The following SLC2A6 variants were observed in gnomAD, a reference collection of about 807,000 sequenced individuals.
The protein encoded by SLC2A6 is solute carrier family 2 member 6.
In SLC2A6, 39 loss-of-function variants were observed where a neutral mutation model predicts 47.8. That is an observed-to-expected ratio of 0.82 (90% CI 0.63 to 1.07). The LOEUF (loss-of-function observed/expected upper bound fraction) is 1.07, where lower values mean the gene tolerates loss of function less well. Ranked by LOEUF, SLC2A6 falls within the 50% of genes least tolerant of loss-of-function variation. The probability of loss-of-function intolerance (pLI) is 0.00; values close to 1 mark genes in which losing one functional copy is unlikely to be tolerated. For synonymous variants in SLC2A6, 346 were observed against 324.1 expected (o/e 1.07, Z -0.73); for missense variants, 650 against 707.6 (o/e 0.92, Z 0.92).
chr9:133,472,362 C>T (rs991140341), intron 9 of SLC2A6, among the ~76,000 whole-genome samples, 186 bp from the exon 10 acceptor site: 13 of 152,036 alleles, frequency 8.6e-5, no homozygotes, highest in African/African-American at 2.9e-4. Context: ...CCGAAGTAGC[C>T]CTTGAAGTCT....
At chr9:133,473,815 C>A (rs1001696630) in intron 7 of SLC2A6, 165 bp downstream of exon 7, 2 of 755,644 alleles carry the variant, frequency 2.6e-6, no homozygotes, top group African/African-American at 1.8e-5. Flanking sequence ...CCCCAGCGGA[C>A]CTTTCTGGAC....
At position 133,476,934 on chromosome 9, in the gene SLC2A6, C is replaced by T. The variant is rs367697026; in HGVS notation, c.462+101G>A. 26 of 1,307,760 alleles carry T rather than the reference C, an allele frequency of 2.0e-5. No individual in the cohort carries two copies. In the South Asian group the frequency reaches 2.6e-4, roughly 13 times the overall value. 81.0% of individuals were successfully genotyped at this position (1,307,760 alleles called of 1,614,324 possible). On this transcript the variant is annotated intron_variant, in intron 3 of 9. Transcript: ENST00000371899. ...ATCCGCAGGGAAGGCAAACAATTCTCATTGCCCAGAAGGCATGGAGGCTGG... is the reference window on the plus strand; with the variant it reads ...ATCCGCAGGGAAGGCAAACAATTCTTATTGCCCAGAAGGCATGGAGGCTGG...
intron 4 of SLC2A6, among the ~76,000 whole-genome samples, chr9:133,475,992 G>A (rs1464830859): frequency 6.6e-6 from 1 of 152,274 alleles, no homozygotes. Context: ...AAGATAGTCT[G>A]GCGACTGTGG....
chr9:133,476,724 A>G lies in SLC2A6; in HGVS notation c.462+311T>C, dbSNP rs1843967346. On this transcript the variant is annotated intron_variant, in intron 3 of 9. Coordinates refer to ENST00000371899, the MANE Select transcript of SLC2A6 (RefSeq NM_017585.4). Reference sequence around the variant, plus strand: ...GATAAGAAGGTCCCGGGGAGGGTGTAGGGCAGGGACTTCCCTCTCCTACCC... The same window carrying G: ...GATAAGAAGGTCCCGGGGAGGGTGTGGGGCAGGGACTTCCCTCTCCTACCC... 2.0e-5 allele frequency among the ~76,000 whole-genome samples: 3 copies of G among 152,258 alleles called. No homozygotes were observed. In the South Asian group the frequency reaches 6.2e-4, roughly 32 times the overall value.
intron 5 of SLC2A6, 25 bp downstream of exon 5, chr9:133,475,375 G>A (rs782628610): frequency 1.0e-5 from 16 of 1,560,818 alleles, no homozygotes; most frequent in African/African-American, 5.4e-5. Context: ...GGGCCTGCCC[G>A]GTTCGGGCGC....
At chr9:133,472,970 G>T in intron 9 of SLC2A6, 135 bp downstream of exon 9, 1 of 902,272 alleles carries the variant, frequency 1.1e-6, no homozygotes, top group Non-Finnish European at 1.6e-6. Flanking sequence ...GAGTTCAGGG[G>T]GTGTGTGCTC....
chr9:133,478,801 G>T, intron 1 of SLC2A6, 167 bp downstream of exon 1: 1 of 625,134 alleles, frequency 1.6e-6, no homozygotes, highest in Non-Finnish European at 2.7e-6. Context: ...CCCTTAGGGG[G>T]ACCAGTTCCT....
chr9:133,476,969 G>A (rs1554803515), intron 3 of SLC2A6, 66 bp downstream of exon 3: 1 of 1,495,936 alleles, frequency 6.7e-7, no homozygotes, highest in African/African-American at 1.4e-5. Context: ...GGAGGCCTTA[G>A]TCAGATGGAG....
rs782483628 is a variant in SLC2A6 at position 133,471,971 on chromosome 9, CAG to C, written c.*48_*49del. The C allele has an allele frequency of 6.3e-7, 1 of 1,587,250 alleles. No individual in the cohort carries two copies. The highest frequency in any genetic ancestry group is 1.3e-5 in the African/African-American group (1 of 74,218). Reference sequence around the variant, plus strand: ...CCAGGGTGCAGGTTTGTAGCCAACACAGAGGCCCAGCCACTGGGGGTTTGGCC... The same window carrying C: ...CCAGGGTGCAGGTTTGTAGCCAACACAGGCCCAGCCACTGGGGGTTTGGCC... On this transcript the variant is annotated 3_prime_UTR_variant, in exon 10 of 10. Coordinates refer to ENST00000371899, the MANE Select transcript of SLC2A6 (RefSeq NM_017585.4).
Position 133,471,350 on chromosome 9 carries a change from A to G in SLC2A6, c.*671T>C, listed in dbSNP as rs1449597329. On this transcript the variant is annotated 3_prime_UTR_variant, in exon 10 of 10. Transcript: ENST00000371899. ...CAAGCAATGCTGCCTCAGCCTCCCA[A>G]GTAGCTGGAACTACGGGTGTGTGCC... is the stretch of plus-strand genomic sequence containing the variant. The G allele has an allele frequency of 6.6e-6, 1 of 152,028 alleles. No homozygotes were observed. The highest frequency in any genetic ancestry group is 1.5e-5 in the Non-Finnish European group (1 of 68,068). The allele number at this position is 152,028 out of a possible 1,614,324, so 9.4% of individuals were successfully genotyped here.
rs1554803157 is a variant in SLC2A6 at position 133,475,604 on chromosome 9, C to A, written c.570G>T (p.Leu190=). 1.9e-6 allele frequency: 3 copies of A among 1,593,626 alleles called. No individual in the cohort carries two copies. Among genetic ancestry groups the A allele is most frequent in the Admixed American group, 3.5e-5 (2 of 56,732 alleles). Residue 190 remains leucine (L), a synonymous_variant, in exon 5 of 10, where the codon CTG becomes CTT. Transcript: ENST00000371899. ...CCACAGCCAGCCAGCGCCACGGCAG[C>A]AGGAGGCCTGGGGGCGAGGGGTGGG... ...GSLSLYALGL[L]LPWRWLAVAG... is the part of the protein sequence containing the mutation.
chr9:133,473,293 G>A, intron 8 of SLC2A6, 43 bp from the exon 9 acceptor site: 1 of 1,548,442 alleles, frequency 6.5e-7, no homozygotes. Flanking sequence ...TGGGGTGACT[G>A]GAGGCGGCTG....
intron 4 of SLC2A6, among the ~76,000 whole-genome samples, chr9:133,475,879 G>A (rs782343177): frequency 3.3e-5 from 5 of 152,252 alleles, no homozygotes; most frequent in Non-Finnish European, 7.3e-5. Context: ...CTCCACCCAA[G>A]ACCTCCACGC....
At position 133,471,168 on chromosome 9, in the gene SLC2A6, T is replaced by C. The variant is rs1180047741; in HGVS notation, c.*853A>G. ...ATAGGAGCTGCCTGTTCCCAGAGGT[T>C]GGGCTGGGGCAGGAGGAAGTGGCCA... On this transcript the variant is annotated 3_prime_UTR_variant, in exon 10 of 10. Transcript: ENST00000371899. 6.6e-6 allele frequency: 1 copy of C among 151,086 alleles called. No homozygotes were observed. Among genetic ancestry groups the C allele is most frequent in the Non-Finnish European group, 1.5e-5 (1 of 67,898 alleles). The allele number at this position is 151,086 out of a possible 1,614,324, so 9.4% of individuals were successfully genotyped here.
At chr9:133,473,654 C>G in intron 7 of SLC2A6, 54 bp from the exon 8 acceptor site, 2 of 1,444,982 alleles carry the variant, frequency 1.4e-6, no homozygotes, top group Non-Finnish European at 1.8e-6. Context: ...CCAGCTGTTT[C>G]TCTCAGAGCT....
Position 133,474,050 on chromosome 9 carries a change from C to A in SLC2A6, c.966G>T (p.Arg322=). Residue 322 remains arginine (R), a synonymous_variant, in exon 7 of 10, where the codon CGG becomes CGT. Transcript: ENST00000371899. ...KDDAAIVGAV[R]LLSVLIAALT... is the part of the protein sequence containing the mutation. ...GGGCGGCGATCAGCACGGACAGGAG[C>A]CGCACGGCCCCAACGATGGCTGCGT... is the stretch of plus-strand genomic sequence containing the variant. 1 of 1,610,112 alleles carries A rather than the reference C, an allele frequency of 6.2e-7. No individual in the cohort carries two copies. Among genetic ancestry groups the A allele is most frequent in the Middle Eastern group, 1.7e-4 (1 of 5,732 alleles).
At chr9:133,474,208 A>G (rs1262955176) in intron 6 of SLC2A6, 120 bp from the exon 7 acceptor site, 13 of 710,036 alleles carry the variant, frequency 1.8e-5, no homozygotes, top group Non-Finnish European at 3.0e-5. Flanking sequence ...TGCAGTACTG[A>G]GTGGCCTGGC....
rs1554802869 is a variant in SLC2A6, at chr9:133,474,995, A to G, written c.893T>C (p.Leu298Pro). The G allele has an allele frequency of 1.9e-6, 3 of 1,591,646 alleles. No homozygotes were observed. The highest frequency in any genetic ancestry group is 1.1e-5 in the South Asian group (1 of 87,670). Reference protein sequence around the residue: ...LTGITPILVYLQSIFDSTAVL... With the variant: ...LTGITPILVYPQSIFDSTAVL... ...AGCGGTGCTGTCGAAGATGGACTGC[A>G]GGTAGACCAGGATGGGCGTGATGCC... The change falls in exon 6 of 10, where the codon CTG (leucine) becomes CCG (proline). Residue 298 changes from leucine (L) to proline (P), a missense_variant. Transcript: ENST00000371899.
intron 6 of SLC2A6, 97 bp from the exon 7 acceptor site, chr9:133,474,185 GC>G: frequency 1.0e-6 from 1 of 963,926 alleles, no homozygotes; most frequent in Non-Finnish European, 1.6e-6. Flanking sequence ...AGGGGCTCAG[GC>G]CAGCAGCTCA....
Sources: allele counts gnomAD v4.1 joint callset (sites outside exome capture counted in the v4.1 genomes callset), GRCh38; gene constraint gnomAD v4.1.1; transcripts MANE v1.5; gene names NCBI Gene and HGNC (gene_info 2026-07-23, HGNC 2026-07-21).